DPP6: variants seen among roughly 807,000 people sequenced by gnomAD.
DPP6 encodes dipeptidyl peptidase like 6, also known as A-type potassium channel modulatory protein DPP6.
Under a neutral mutation model 122.6 loss-of-function variants are expected in DPP6, and 69 were observed. The observed-to-expected ratio is 0.56, with a 90% CI of 0.46 to 0.69. The LOEUF (loss-of-function observed/expected upper bound fraction) is 0.69. DPP6 is among the 30% of genes least tolerant of loss of function. The probability of loss-of-function intolerance (pLI) is 0.00; values close to 1 mark genes in which losing one functional copy is unlikely to be tolerated. For synonymous variants in DPP6, 418 were observed against 433.1 expected, an observed-to-expected ratio of 0.97 and a Z score of 0.43; for missense variants, 928 against 1,116.9, an observed-to-expected ratio of 0.83 and a Z score of 2.41.
At chr7:154,237,898 G>A (rs924126718) in intron 1 of DPP6, among the ~76,000 whole-genome samples, 22 of 152,164 alleles carry the variant, frequency 1.4e-4, no homozygotes, top group African/African-American at 5.3e-4. Flanking sequence ...CCATCTCTGG[G>A]CAGGGAAGCT....
chr7:154,708,050 G>A (rs547055107), intron 7 of DPP6, among the ~76,000 whole-genome samples: 1 of 152,216 alleles, frequency 6.6e-6, no homozygotes, highest in South Asian at 2.1e-4. Flanking sequence ...CCAAAATATA[G>A]GGAATGTGAG....
intron 3 of DPP6, among the ~76,000 whole-genome samples, chr7:154,515,833 A>G (rs1826448635): frequency 6.6e-6 from 1 of 152,152 alleles, no homozygotes; most frequent in Non-Finnish European, 1.5e-5. Context: ...AGTCTCTTCC[A>G]GCTCTAAGTT....
At chr7:154,722,315 C>A (rs1316768215) in intron 7 of DPP6, among the ~76,000 whole-genome samples, 1 of 152,256 alleles carries the variant, frequency 6.6e-6, no homozygotes, top group African/African-American at 2.4e-5. Flanking sequence ...TCTGTGCTCC[C>A]AGCACGTGTT....
chr7:154,310,708 A>G (rs1397547089), intron 1 of DPP6, among the ~76,000 whole-genome samples: 1 of 152,104 alleles, frequency 6.6e-6, no homozygotes, highest in Non-Finnish European at 1.5e-5. Context: ...ATTAACCTTC[A>G]CCGAAACATC....
At chr7:154,159,585 C>T (rs1311905835) in intron 1 of DPP6, among the ~76,000 whole-genome samples, 1 of 152,192 alleles carries the variant, frequency 6.6e-6, no homozygotes, top group Non-Finnish European at 1.5e-5. Context: ...TTACTCTCTC[C>T]TCTCAACAAA....
intron 5 of DPP6, among the ~76,000 whole-genome samples, chr7:154,609,055 C>T (rs979739547): frequency 8.5e-5 from 13 of 152,242 alleles, no homozygotes; most frequent in Non-Finnish European, 1.5e-4. Context: ...AGACCCTAGG[C>T]CTGTATTCAG....
intron 1 of DPP6, among the ~76,000 whole-genome samples, chr7:153,939,465 C>T (rs59570939): frequency 2.0e-5 from 3 of 152,252 alleles, no homozygotes; most frequent in African/African-American, 7.2e-5. Flanking sequence ...GTTAAACCAA[C>T]AATTACTGAA....
intron 1 of DPP6, among the ~76,000 whole-genome samples, chr7:154,062,732 G>T (rs1394383316): frequency 1.4e-5 from 1 of 70,024 alleles, no homozygotes; most frequent in African/African-American, 8.6e-5. Context: ...TCGTAGGGGG[G>T]GGGAGGCACC....
At chr7:153,768,173 T>C in the DPP6 span, among the ~76,000 whole-genome samples, 1 of 149,124 alleles carries the variant, frequency 6.7e-6, no homozygotes, top group Non-Finnish European at 1.5e-5. Flanking sequence ...AATGTACATT[T>C]ACTGTGGAAA....
chr7:154,524,348 G>T lies in DPP6; in HGVS notation c.458-16184G>T, dbSNP rs559934784. Among the ~76,000 whole-genome samples, 7 of 152,270 alleles carry T rather than the reference G, an allele frequency of 4.6e-5. No individual in the cohort carries two copies. In the South Asian group the frequency reaches 1.5e-3, roughly 32 times the overall value. Reference sequence around the variant, plus strand: ...GAGAGCCCCTCCAGAGGGTTATTCTGTCCTTGTGTCAGTTATCTAATGCCA... The same window carrying T: ...GAGAGCCCCTCCAGAGGGTTATTCTTTCCTTGTGTCAGTTATCTAATGCCA... On this transcript the variant is annotated intron_variant, in intron 3 of 25. Coordinates refer to ENST00000377770, the MANE Select transcript of DPP6 (RefSeq NM_130797.4).
At chr7:154,542,686 C>T (rs1563828616) in intron 4 of DPP6, among the ~76,000 whole-genome samples, 1 of 152,118 alleles carries the variant, frequency 6.6e-6, no homozygotes, top group African/African-American at 2.4e-5. Context: ...CTTTTCCATC[C>T]ATTTTATAAA....
chr7:154,111,694 ATG>A (rs1476056996), intron 1 of DPP6, among the ~76,000 whole-genome samples: 1 of 150,938 alleles, frequency 6.6e-6, no homozygotes, highest in African/African-American at 2.4e-5. Flanking sequence ...TTGAAATTAG[ATG>A]TCTCTTCTGA....
At chr7:154,784,334 C>A (rs1349194262) in intron 10 of DPP6, among the ~76,000 whole-genome samples, 1 of 152,078 alleles carries the variant, frequency 6.6e-6, no homozygotes, top group East Asian at 1.9e-4. Context: ...CTGAGGAAAA[C>A]CTTACCAAGC....
the DPP6 span, among the ~76,000 whole-genome samples, chr7:153,839,413 A>C: frequency 1.3e-5 from 2 of 152,288 alleles, no homozygotes; most frequent in South Asian, 2.1e-4. Flanking sequence ...GAGGTTTTGC[A>C]ATGCAATGGT....
intron 16 of DPP6, among the ~76,000 whole-genome samples, chr7:154,835,796 A>C (rs1324913097): frequency 6.6e-6 from 1 of 152,240 alleles, no homozygotes; most frequent in Non-Finnish European, 1.5e-5. Context: ...TTCTGAAATC[A>C]GAATGCCTCT....
At chr7:154,143,937 T>A (rs1479489504) in intron 1 of DPP6, among the ~76,000 whole-genome samples, 1 of 152,102 alleles carries the variant, frequency 6.6e-6, no homozygotes, top group Non-Finnish European at 1.5e-5. Flanking sequence ...AATTAATAGG[T>A]CAGAAGTATA....
chr7:154,082,894 G>T (rs1206614924), intron 1 of DPP6, among the ~76,000 whole-genome samples: 3 of 138,884 alleles, frequency 2.2e-5, no homozygotes, highest in Non-Finnish European at 4.5e-5. Context: ...TGTCACCCAG[G>T]CTGGAGTGCA....
At chr7:153,851,635 G>C in the DPP6 span, among the ~76,000 whole-genome samples, 1 of 151,604 alleles carries the variant, frequency 6.6e-6, no homozygotes, top group African/African-American at 2.4e-5. Flanking sequence ...TTATATCTTG[G>C]TGTCCTGTCC....
intron 1 of DPP6, among the ~76,000 whole-genome samples, chr7:153,995,318 G>A (rs982697938): frequency 6.6e-6 from 1 of 152,166 alleles, no homozygotes; most frequent in Non-Finnish European, 1.5e-5. Flanking sequence ...TGGGCGCGGT[G>A]GCTTATGCCT....
Sources: gnomAD v4.1 joint callset for allele counts (sites outside exome capture counted in the v4.1 genomes callset) on GRCh38, gnomAD v4.1.1 for gene constraint, MANE v1.5 for transcripts, NCBI Gene and HGNC (gene_info 2026-07-23, HGNC 2026-07-21) for gene names.